FAM120B: variants seen among roughly 807,000 people sequenced by gnomAD.
The protein encoded by FAM120B is family with sequence similarity 120 member B, also known as constitutive coactivator of peroxisome proliferator-activated receptor gamma.
In FAM120B, 83 loss-of-function variants were observed where a neutral mutation model predicts 96.3. The ratio of observed to expected loss-of-function variants is 0.86; its 90% confidence interval spans 0.72 to 1.03. The LOEUF (loss-of-function observed/expected upper bound fraction) is 1.03. FAM120B is among the 50% of genes least tolerant of loss of function. The pLI, the probability that FAM120B is intolerant of heterozygous loss-of-function variation, is 0.00. For synonymous variants in FAM120B, 407 were observed against 402.7 expected (o/e 1.01, Z -0.13); for missense variants, 1,027 against 1,121.2 (o/e 0.92, Z 1.20).
intron 6 of FAM120B, among the ~76,000 whole-genome samples, chr6:170,377,837 C>T (rs1053027472): frequency 2.0e-5 from 3 of 147,134 alleles, no homozygotes; most frequent in Admixed American, 6.7e-5. Flanking sequence ...TGTGCACACG[C>T]GTCCCTAATC....
chr6:170,357,054 G>C (rs918101870), intron 5 of FAM120B, among the ~76,000 whole-genome samples: 3 of 152,054 alleles, frequency 2.0e-5, no homozygotes, highest in Admixed American at 1.3e-4. Flanking sequence ...ATTTATGGTG[G>C]GGTTGTTTTT....
At chr6:170,398,144 G>T (rs191297381) in intron 9 of FAM120B, among the ~76,000 whole-genome samples, 3 of 152,356 alleles carry the variant, frequency 2.0e-5, no homozygotes, top group Admixed American at 2.0e-4. Context: ...GTGCCATCAG[G>T]CCTCCCACTG....
Position 170,318,728 on chromosome 6 carries a change from G to T in FAM120B, c.1338G>T (p.Arg446Ser). Reference protein sequence around the residue: ...EVPMYTDSEPRQEVPMYTGSE... With the variant: ...EVPMYTDSEPSQEVPMYTGSE... ...CCATGTATACAGACTCTGAACCCAG[G>T]CAAGAAGTTCCCATGTATACAGGCT... The change falls in exon 2 of 11, where the codon AGG becomes AGT. Residue 446 changes from arginine (R) to serine (S), a missense_variant. Arg to Ser is a moderately radical substitution (Grantham distance 110, BLOSUM62 -1). Around this residue, in one of 3 missense-constraint regions of FAM120B, gnomAD observed 880 missense variants for 980.9 expected, o/e 0.90. Transcript: ENST00000476287. 6.3e-7 allele frequency: 1 copy of T among 1,593,838 alleles called. No homozygotes were observed. Among genetic ancestry groups the T allele is most frequent in the Non-Finnish European group, 8.5e-7 (1 of 1,170,298 alleles).
chr6:170,345,973 A>C (rs907994224), intron 4 of FAM120B, among the ~76,000 whole-genome samples: 1 of 152,230 alleles, frequency 6.6e-6, no homozygotes, highest in Non-Finnish European at 1.5e-5. Flanking sequence ...CCAGGCTGCA[A>C]ACCTGTGAAG....
At chr6:170,390,806 A>T (rs1790440817) in intron 7 of FAM120B, among the ~76,000 whole-genome samples, 1 of 152,188 alleles carries the variant, frequency 6.6e-6, no homozygotes, top group African/African-American at 2.4e-5. Context: ...TTAGGAGAAT[A>T]TGTTCTCGAA....
chr6:170,352,052 G>A (rs890199324), intron 5 of FAM120B, among the ~76,000 whole-genome samples: 2 of 152,182 alleles, frequency 1.3e-5, no homozygotes, highest in Non-Finnish European at 1.5e-5. Flanking sequence ...CCCATCTCAT[G>A]TGCAGAGACA....
upstream of FAM120B, among the ~76,000 whole-genome samples, chr6:170,305,138 C>T (rs539423645): frequency 1.6e-4 from 24 of 152,132 alleles, no homozygotes; most frequent in South Asian, 4.1e-4. Context: ...AAGACCATCA[C>T]GCTGGGATTA....
At chr6:170,386,156 A>G (rs372025065) in intron 6 of FAM120B, among the ~76,000 whole-genome samples, 1 of 152,168 alleles carries the variant, frequency 6.6e-6, no homozygotes, top group East Asian at 1.9e-4. Flanking sequence ...TGCCGATTGT[A>G]ACAAATGTGT....
chr6:170,401,990 T>C (rs1176720152), intron 9 of FAM120B, among the ~76,000 whole-genome samples: 1 of 152,236 alleles, frequency 6.6e-6, no homozygotes, highest in African/African-American at 2.4e-5. Context: ...TCCCCGAACA[T>C]GCCATCCTCC....
intron 5 of FAM120B, among the ~76,000 whole-genome samples, chr6:170,352,498 C>G (rs1363241350): frequency 6.6e-6 from 1 of 152,200 alleles, no homozygotes; most frequent in African/African-American, 2.4e-5. Flanking sequence ...CTGCTCGGCA[C>G]TTACTCTAAA....
chr6:170,385,434 CAG>C lies in FAM120B; in HGVS notation c.2284-2852_2284-2851del, dbSNP rs550306201. On this transcript the variant is annotated intron_variant, in intron 6 of 10. Coordinates refer to ENST00000476287, the MANE Select transcript of FAM120B (RefSeq NM_032448.3). Reference sequence around the variant, plus strand: ...CTATAAATTAATAAAAAATCAAACTCAGGGAGTGTGGTAGGTAGGAAGGAAAT... The same window carrying C: ...CTATAAATTAATAAAAAATCAAACTCGGAGTGTGGTAGGTAGGAAGGAAAT... Among the ~76,000 whole-genome samples, 393 of 152,208 alleles carry C rather than the reference CAG, an allele frequency of 2.6e-3. 1 individual carries two copies. Among genetic ancestry groups the C allele is most frequent in the African/African-American group, 8.5e-3 (355 of 41,532 alleles).
chr6:170,296,082 C>G (rs1279596371), intron 1 of FAM120B, among the ~76,000 whole-genome samples: 2 of 152,286 alleles, frequency 1.3e-5, no homozygotes, highest in African/African-American at 4.8e-5. Context: ...TACCTGCGGC[C>G]GGAGCACCGG....
intron 6 of FAM120B, among the ~76,000 whole-genome samples, chr6:170,379,098 C>A (rs9460128): frequency 4.6e-5 from 7 of 152,116 alleles, no homozygotes; most frequent in African/African-American, 1.7e-4. Flanking sequence ...CCCAACTCAC[C>A]TTTTGGAAGG....
chr6:170,346,247 A>G (rs1318843521), intron 4 of FAM120B, among the ~76,000 whole-genome samples: 1 of 151,918 alleles, frequency 6.6e-6, no homozygotes, highest in Non-Finnish European at 1.5e-5. Flanking sequence ...AAATCTTTCC[A>G]CTGTCCATCT....
chr6:170,316,394 A>G (rs1174676086), intron 1 of FAM120B, among the ~76,000 whole-genome samples: 2 of 152,200 alleles, frequency 1.3e-5, no homozygotes, highest in Admixed American at 6.5e-5. Context: ...TAAAGCCTGC[A>G]TGACTCTTAA....
At chr6:170,376,423 A>T (rs889774337) in intron 6 of FAM120B, among the ~76,000 whole-genome samples, 2 of 145,180 alleles carry the variant, frequency 1.4e-5, no homozygotes, top group African/African-American at 5.0e-5. Context: ...TAACACCTTC[A>T]TTGAAGGACC....
chr6:170,357,693 G>C (rs369862633), intron 5 of FAM120B, among the ~76,000 whole-genome samples: 3 of 152,204 alleles, frequency 2.0e-5, no homozygotes, highest in South Asian at 4.1e-4. Flanking sequence ...GTGATCAACT[G>C]TCTGGCTCTA....
At chr6:170,386,535 C>T (rs559781226) in intron 6 of FAM120B, among the ~76,000 whole-genome samples, 1 of 152,254 alleles carries the variant, frequency 6.6e-6, no homozygotes, top group East Asian at 1.9e-4. Flanking sequence ...CCTAATAAGA[C>T]TGAAGTATGA....
intron 6 of FAM120B, among the ~76,000 whole-genome samples, chr6:170,374,445 G>A (rs939382197): frequency 6.6e-6 from 1 of 152,196 alleles, no homozygotes; most frequent in African/African-American, 2.4e-5. Flanking sequence ...TACTCTGCCC[G>A]AGACGAGATC....
Sources: allele counts gnomAD v4.1 joint callset (sites outside exome capture counted in the v4.1 genomes callset), GRCh38; gene constraint gnomAD v4.1.1; regional missense constraint gnomAD v4.1.1; transcripts MANE v1.5; gene names NCBI Gene and HGNC (gene_info 2026-07-23, HGNC 2026-07-21).